Variants in FKBP4 observed in about 807,000 individuals in gnomAD.
FKBP4 encodes peptidyl-prolyl cis-trans isomerase FKBP4.
A neutral mutation model predicts 54.1 loss-of-function variants in FKBP4; 28 were observed. The observed-to-expected ratio is 0.52, with a 90% CI of 0.38 to 0.71. The LOEUF (loss-of-function observed/expected upper bound fraction) is 0.71, where lower values mean the gene tolerates loss of function less well. FKBP4 is among the 30% of genes least tolerant of loss of function. The pLI, the probability that FKBP4 is intolerant of heterozygous loss-of-function variation, is 0.00. For synonymous variants in FKBP4, 223 were observed against 216.1 expected (o/e 1.03, Z -0.28); for missense variants, 493 against 574.4 (o/e 0.86, Z 1.45).
Position 2,798,804 on chromosome 12 carries a change from C to T in FKBP4, c.492C>T (p.Pro164=). The T allele has an allele frequency of 6.2e-7, 1 of 1,614,144 alleles. No homozygotes were observed. The highest frequency in any genetic ancestry group is 8.5e-7 in the Non-Finnish European group (1 of 1,180,030). Residue 164 remains proline, a synonymous_variant, in exon 4 of 10, where the codon CCC becomes CCT. Coordinates refer to ENST00000001008, the MANE Select transcript of FKBP4 (RefSeq NM_002014.4). This position sits in a 1 kb window ranked among gnomAD's most constrained non-coding sequence, Gnocchi z 4.3. The part of the protein sequence containing the change: ...IQTRGEGYAK[P]NEGAIVEVAL... ...CTCGCGGTGAAGGCTATGCTAAGCC[C>T]AATGAGGGTGCTATCGTGGAGGGTG... is the stretch of plus-strand genomic sequence containing the variant.
Position 2,795,208 on chromosome 12 carries a change from G to A in FKBP4, c.69G>A (p.Val23=), listed in dbSNP as rs375362942. ...CGGCGCCGCTGCCCATGGAGGGAGT[G>A]GACATCAGCCCCAAACAGGACGAAG... ...AQSAPLPMEG[V]DISPKQDEGV... Residue 23 remains valine, a synonymous_variant, in exon 1 of 10, where the codon GTG becomes GTA. Transcript: ENST00000001008. This position sits in a 1 kb window ranked among gnomAD's most constrained non-coding sequence, Gnocchi z 4.3. 2.8e-5 allele frequency: 37 copies of A among 1,336,790 alleles called. No individual in the cohort carries two copies. The highest frequency in any genetic ancestry group is 3.3e-5 in the Non-Finnish European group (34 of 1,036,346). The allele number at this position is 1,336,790 out of a possible 1,614,324, so 82.8% of individuals were successfully genotyped here. A position where few individuals can be genotyped will look rare whatever the true frequency, so the allele number is the denominator to read the frequency against.
rs1339415068 is a variant in FKBP4 at position 2,795,383 on chromosome 12, G to C, written c.105+139G>C. On this transcript the variant is annotated intron_variant, in intron 1 of 9. Coordinates refer to ENST00000001008, the MANE Select transcript of FKBP4 (RefSeq NM_002014.4). This position sits in a 1 kb window ranked among gnomAD's most constrained non-coding sequence, Gnocchi z 4.3. ...CTCGCGGCCGTCCCGCCGGGGGCCG[G>C]TGGCATCGCCGTCCCGGACCGGGCT... is the stretch of plus-strand genomic sequence containing the variant. 2 of 216,098 alleles carry C rather than the reference G, an allele frequency of 9.3e-6. No homozygotes were observed. The highest frequency in any genetic ancestry group is 8.1e-6 in the Non-Finnish European group (1 of 123,612). 13.4% of individuals were successfully genotyped at this position (216,098 alleles called of 1,614,324 possible). A position where few individuals can be genotyped will look rare whatever the true frequency, so the allele number is the denominator to read the frequency against.
At chr12:2,800,713 C>G (rs906586483) in intron 8 of FKBP4, 136 bp downstream of exon 8, 12 of 851,326 alleles carry the variant, frequency 1.4e-5, no homozygotes, top group Non-Finnish European at 2.1e-5. Flanking sequence ...AGGTTACAGA[C>G]CAAAGGCACG....
chr12:2,797,984 G>T, intron 3 of FKBP4, 113 bp downstream of exon 3: 2 of 1,342,648 alleles, frequency 1.5e-6, no homozygotes, highest in Admixed American at 2.1e-5. Context: ...CAAGGCTGAG[G>T]GTCTGGCCTT....
chr12:2,801,264 G>A lies in FKBP4; in HGVS notation c.1180G>A (p.Ala394Thr). ...CAACAAAGCCGCCAAGACCCAGCTGGCTGTGTGCCAGCAGCGGATCCGAAG... is the reference window on the plus strand; with the variant it reads ...CAACAAAGCCGCCAAGACCCAGCTGACTGTGTGCCAGCAGCGGATCCGAAG... ...PNNKAAKTQL[A>T]VCQQRIRRQL... is the part of the protein sequence containing the mutation. Residue 394 changes from alanine to threonine, a missense_variant, in exon 9 of 10, where the codon GCT becomes ACT. Ala to Thr is a moderately conservative substitution (Grantham distance 58). Transcript: ENST00000001008. 6 of 1,613,844 alleles carry A rather than the reference G, an allele frequency of 3.7e-6. No individual in the cohort carries two copies. Among genetic ancestry groups the A allele is most frequent in the Non-Finnish European group, 5.1e-6 (6 of 1,180,044 alleles).
rs778270440 is a variant in FKBP4 at position 2,795,214 on chromosome 12, C to T, written c.75C>T (p.Ile25=). 2.2e-6 allele frequency: 3 copies of T among 1,337,098 alleles called. No individual in the cohort carries two copies. The highest frequency in any genetic ancestry group is 5.1e-5 in the South Asian group (2 of 39,242). 82.8% of individuals were successfully genotyped at this position (1,337,098 alleles called of 1,614,324 possible). ...CGCTGCCCATGGAGGGAGTGGACATCAGCCCCAAACAGGACGAAGGCGTGC... is the reference window on the plus strand; with the variant it reads ...CGCTGCCCATGGAGGGAGTGGACATTAGCCCCAAACAGGACGAAGGCGTGC... ...SAPLPMEGVD[I]SPKQDEGVLK... The change falls in exon 1 of 10, where the codon ATC becomes ATT. Residue 25 remains isoleucine (I), a synonymous_variant. Coordinates refer to ENST00000001008, the MANE Select transcript of FKBP4 (RefSeq NM_002014.4). This position sits in a 1 kb window ranked among gnomAD's most constrained non-coding sequence, Gnocchi z 4.3.
At chr12:2,796,380 T>TC in intron 1 of FKBP4, 3 of 1,289,094 alleles carry the variant, frequency 2.3e-6, no homozygotes, top group Non-Finnish European at 3.0e-6. Flanking sequence ...AAAGCTCATT[T>TC]CCCCTTTGAT....
chr12:2,800,897 T>A (rs1428797072), intron 8 of FKBP4, among the ~76,000 whole-genome samples: 1 of 152,248 alleles, frequency 6.6e-6, no homozygotes, highest in Non-Finnish European at 1.5e-5. Flanking sequence ...GAAGTCTTTA[T>A]TTCATCCAAA....
rs2097901281 is a variant in FKBP4, at chr12:2,795,628, A to G, written c.105+384A>G. 1 of 146,072 alleles carries G rather than the reference A, an allele frequency of 6.8e-6. No individual in the cohort carries two copies. Among genetic ancestry groups the G allele is most frequent in the Non-Finnish European group, 1.5e-5 (1 of 66,188 alleles). The allele number at this position is 146,072 out of a possible 1,614,324, so 9.0% of individuals were successfully genotyped here. On this transcript the variant is annotated intron_variant, in intron 1 of 9. Transcript: ENST00000001008. This position sits in a 1 kb window ranked among gnomAD's most constrained non-coding sequence, Gnocchi z 4.3. ...AGCCCGGGGCCAGGCCGGGCCTCCC[A>G]CGCCACGCCGCCCCCGACCTCGCGG...
Position 2,799,140 on chromosome 12 carries a change from C to G in FKBP4, c.567C>G (p.Arg189=). The G allele has an allele frequency of 6.3e-7, 1 of 1,586,186 alleles. No individual in the cohort carries two copies. Among genetic ancestry groups the G allele is most frequent in the Non-Finnish European group, 8.6e-7 (1 of 1,169,036 alleles). ...KDKLFDQREL[R]FEIGEGENLD... is the part of the protein sequence containing the mutation. ...AGCTCTTTGACCAGCGGGAGCTCCGCTTTGAGATTGGCGAGGGGGAGAACC... is the reference window on the plus strand; with the variant it reads ...AGCTCTTTGACCAGCGGGAGCTCCGGTTTGAGATTGGCGAGGGGGAGAACC... The change falls in exon 5 of 10, where the codon CGC becomes CGG. Residue 189 remains arginine (R), a synonymous_variant. Coordinates refer to ENST00000001008, the MANE Select transcript of FKBP4 (RefSeq NM_002014.4).
At chr12:2,800,998 C>A in intron 8 of FKBP4, 119 bp from the exon 9 acceptor site, 1 of 1,369,804 alleles carries the variant, frequency 7.3e-7, no homozygotes, top group Non-Finnish European at 1.0e-6. Context: ...TCCTGGGGTG[C>A]AGCCAGCCAC....
chr12:2,798,626 ACT>A lies in FKBP4; in HGVS notation c.394-74_394-73del. On this transcript the variant is annotated intron_variant, in intron 3 of 9. Transcript: ENST00000001008. This position sits in a 1 kb window ranked among gnomAD's most constrained non-coding sequence, Gnocchi z 4.3. ...AGATCCGGCCTGGCAGTTAGTAGGG[ACT>A]CTCTCGGATGAGAAAGATTGTGTTT... is the stretch of plus-strand genomic sequence containing the variant. The A allele has an allele frequency of 3.1e-6, 5 of 1,600,874 alleles. No homozygotes were observed. In the Admixed American group the frequency reaches 5.0e-5, roughly 16 times the overall value.
Position 2,797,300 on chromosome 12 carries a change from G to A in FKBP4, c.250+18G>A, listed in dbSNP as rs767224848. The stretch of plus-strand genomic sequence containing the variant: ...GGGAAAAGGTAGGCGTGGTCAGTGG[G>A]CTGGTAGGATAGGTTCGAGGTGGAC... On this transcript the variant is annotated intron_variant, in intron 2 of 9. Coordinates refer to ENST00000001008, the MANE Select transcript of FKBP4 (RefSeq NM_002014.4). The A allele has an allele frequency of 5.6e-6, 9 of 1,613,658 alleles. No individual in the cohort carries two copies. Among genetic ancestry groups the A allele is most frequent in the Non-Finnish European group, 6.8e-6 (8 of 1,179,732 alleles).
In FKBP4 at chr12:2,799,068, C is replaced by T. The variant is rs373445860; in HGVS notation, c.515-20C>T. 3 of 1,523,612 alleles carry T rather than the reference C, an allele frequency of 2.0e-6. No homozygotes were observed. Among genetic ancestry groups the T allele is most frequent in the Middle Eastern group, 3.6e-4 (2 of 5,626 alleles). The allele number at this position is 1,523,612 out of a possible 1,614,324, so 94.4% of individuals were successfully genotyped here. A position where few individuals can be genotyped will look rare whatever the true frequency, so the allele number is the denominator to read the frequency against. Reference sequence around the variant, plus strand: ...CCTGCCCTCTTACAACTCTGGTACACTGCCTCTCTTTCATGCCAGTTGCAC... The same window carrying T: ...CCTGCCCTCTTACAACTCTGGTACATTGCCTCTCTTTCATGCCAGTTGCAC... On this transcript the variant is annotated intron_variant, in intron 4 of 9. Coordinates refer to ENST00000001008, the MANE Select transcript of FKBP4 (RefSeq NM_002014.4).
Position 2,804,259 on chromosome 12 carries a change from G to A in FKBP4, c.*1001G>A, listed in dbSNP as rs2097906407. 6.6e-6 allele frequency: 1 copy of A among 152,242 alleles called. No individual in the cohort carries two copies. The highest frequency in any genetic ancestry group is 1.5e-5 in the Non-Finnish European group (1 of 68,050). 9.4% of individuals were successfully genotyped at this position (152,242 alleles called of 1,614,324 possible). Reference sequence around the variant, plus strand: ...ACACTTAGGAAGACGAAAGTATAAAGATCTAGAAGACTGGGACACCATGCA... The same window carrying A: ...ACACTTAGGAAGACGAAAGTATAAAAATCTAGAAGACTGGGACACCATGCA... On this transcript the variant is annotated 3_prime_UTR_variant, in exon 10 of 10. Coordinates refer to ENST00000001008, the MANE Select transcript of FKBP4 (RefSeq NM_002014.4).
rs925757899 is a variant in FKBP4, at chr12:2,796,353, G to A, written c.106-785G>A. 1.0e-5 allele frequency: 13 copies of A among 1,289,070 alleles called. 1 individual carries two copies. The Admixed American group carries it at 2.5e-4, about 25-fold the overall frequency. 79.9% of individuals were successfully genotyped at this position (1,289,070 alleles called of 1,614,324 possible). On this transcript the variant is annotated intron_variant, in intron 1 of 9. Coordinates refer to ENST00000001008, the MANE Select transcript of FKBP4 (RefSeq NM_002014.4). The stretch of plus-strand genomic sequence containing the variant: ...GCTCCAGCGTCCTGCCGTTTTCTAC[G>A]AGATTGTTATTCCAGGAAAGCTCAT...
At chr12:2,800,797 G>A (rs2097904308) in intron 8 of FKBP4, among the ~76,000 whole-genome samples, 1 of 152,172 alleles carries the variant, frequency 6.6e-6, no homozygotes, top group Admixed American at 6.5e-5. Context: ...ACACGGAATG[G>A]GAAGAATCAC....
chr12:2,797,781 G>A lies in FKBP4; in HGVS notation c.303G>A (p.Glu101=). Residue 101 remains glutamate (E), a synonymous_variant, in exon 3 of 10, where the codon GAG becomes GAA. Coordinates refer to ENST00000001008, the MANE Select transcript of FKBP4 (RefSeq NM_002014.4). ...CCATAGCCACCATGAAGGTGGGGGA[G>A]GTGTGCCACATCACCTGCAAACCAG... ...DIAIATMKVG[E]VCHITCKPEY... is the part of the protein sequence containing the mutation. The A allele has an allele frequency of 1.9e-6, 3 of 1,613,970 alleles. No individual in the cohort carries two copies. The highest frequency in any genetic ancestry group is 2.2e-5 in the East Asian group (1 of 44,874).
chr12:2,803,216 C>T lies in FKBP4; in HGVS notation c.1338C>T (p.Ser446=), dbSNP rs1198931965. The change falls in exon 10 of 10, where the codon AGC becomes AGT. Residue 446 remains serine (S), a synonymous_variant. Transcript: ENST00000001008. ...CAGAGATGAAGGAGGAGCAGAAGAG[C>T]AACACGGCAGGGAGCCAGTCTCAGG... ...TDTEMKEEQK[S]NTAGSQSQVE... is the part of the protein sequence containing the mutation. 7 of 1,603,000 alleles carry T rather than the reference C, an allele frequency of 4.4e-6. No individual in the cohort carries two copies. The highest frequency in any genetic ancestry group is 6.0e-6 in the Non-Finnish European group (7 of 1,175,236).
Sources: gnomAD v4.1 joint callset for allele counts (sites outside exome capture counted in the v4.1 genomes callset) on GRCh38, gnomAD v4.1.1 for gene constraint, Gnocchi (gnomAD v3.1) non-coding constraint, MANE v1.5 for transcripts, NCBI Gene and HGNC (gene_info 2026-07-23, HGNC 2026-07-21) for gene names.